Variants in ZNF566 observed in about 807,000 individuals in gnomAD.
The protein encoded by ZNF566 is zinc finger protein 566.
ZNF566 carries 27 observed loss-of-function variants against 32.8 expected under a neutral mutation model. The ratio of observed to expected loss-of-function variants is 0.82; its 90% CI spans 0.61 to 1.14. The LOEUF is 1.14. Ranked by LOEUF, ZNF566 falls within the 50% of genes most tolerant of loss-of-function variation. The pLI is 0.00. For missense variants in ZNF566, 402 were observed against 490.4 expected, an observed-to-expected ratio of 0.82 and a Z score of 1.70; for synonymous variants, 154 against 159.5, an observed-to-expected ratio of 0.97 and a Z score of 0.26.
In ZNF566 at chr19:36,449,390, G is replaced by C. The variant is rs752269940; in HGVS notation, c.844C>G (p.Pro282Ala). 1 of 1,614,008 alleles carries C rather than the reference G, an allele frequency of 6.2e-7. No homozygotes were observed. The highest frequency in any genetic ancestry group is 1.7e-5 in the Admixed American group (1 of 59,996). The part of the protein sequence containing the change: ...RHQRIHTGEK[P>A]YECKECGKAF... ...TTCCCGCATTCTTTGCATTCATAAG[G>C]CTTCTCACCTGTGTGAATTCTCTGA... is the stretch of plus-strand genomic sequence containing the variant. The change falls in exon 5 of 5, where the codon CCT becomes GCT. Residue 282 changes from proline to alanine, a missense_variant. Physicochemically the swap from Pro to Ala is conservative, Grantham distance 27. Around this residue, in one of 3 missense-constraint regions of ZNF566, gnomAD observed 135 missense variants for 210.0 expected, o/e 0.64. Transcript: ENST00000452939.
intron 2 of ZNF566, among the ~76,000 whole-genome samples, chr19:36,474,631 G>A (rs1397625524): frequency 6.6e-6 from 1 of 152,162 alleles, no homozygotes; most frequent in African/African-American, 2.4e-5. Flanking sequence ...AGAGTTGAGG[G>A]CAGTGGCCTC....
chr19:36,473,286 G>C (rs2033809379), intron 3 of ZNF566, 46 bp downstream of exon 3: 3 of 1,608,720 alleles, frequency 1.9e-6, no homozygotes, highest in South Asian at 2.2e-5. Flanking sequence ...GAGGAAGTAG[G>C]CCTTCCAAGG....
chr19:36,459,666 A>G (rs1484221943), intron 4 of ZNF566, among the ~76,000 whole-genome samples: 2 of 147,746 alleles, frequency 1.4e-5, no homozygotes, highest in Non-Finnish European at 3.0e-5. Context: ...ATGCGCCACC[A>G]CGCCCGGCTA....
chr19:36,461,646 G>A (rs2033465254), intron 4 of ZNF566, among the ~76,000 whole-genome samples: 1 of 151,946 alleles, frequency 6.6e-6, no homozygotes, highest in Non-Finnish European at 1.5e-5. Flanking sequence ...ACTCCAGCCT[G>A]GGCGACAGAG....
intron 4 of ZNF566, among the ~76,000 whole-genome samples, chr19:36,458,158 T>C (rs1280911292): frequency 6.6e-6 from 1 of 152,164 alleles, no homozygotes; most frequent in Non-Finnish European, 1.5e-5. Context: ...CTTATGTTCA[T>C]TGCAGCATCA....
chr19:36,474,371 G>A (rs1310694875), intron 2 of ZNF566, among the ~76,000 whole-genome samples: 1 of 152,188 alleles, frequency 6.6e-6, no homozygotes, highest in South Asian at 2.1e-4. Context: ...GGCAAATGAG[G>A]GGGGAAGCAA....
chr19:36,473,320 A>G lies in ZNF566; in HGVS notation c.136+12T>C, dbSNP rs1298827148. 6 of 1,613,888 alleles carry G rather than the reference A, an allele frequency of 3.7e-6. No homozygotes were observed. In the African/African-American group the frequency reaches 6.7e-5, roughly 18 times the overall value. ...GGGCAGAATCTAAATTACTATGGAC[A>G]GATGTCCTTACCCATTGAAACCAGG... On this transcript the variant is annotated intron_variant, in intron 3 of 4. Transcript: ENST00000452939.
chr19:36,462,986 A>AAAAAAAAAAAAC (rs1444861675), intron 4 of ZNF566, among the ~76,000 whole-genome samples: 1 of 136,136 alleles, frequency 7.3e-6, no homozygotes, highest in Non-Finnish European at 1.6e-5. Context: ...AAAAAAAAAA[A>AAAAAAAAAAAAC]AAAATCCCAT....
rs569821932 is a variant in ZNF566, at chr19:36,447,994, C to T, written c.*983G>A. 6.6e-6 allele frequency: 1 copy of T among 152,198 alleles called. No individual in the cohort carries two copies. Among genetic ancestry groups the T allele is most frequent in the South Asian group, 2.1e-4 (1 of 4,828 alleles). The allele number at this position is 152,198 out of a possible 1,614,324, so 9.4% of individuals were successfully genotyped here. A position where few individuals can be genotyped will look rare whatever the true frequency, so the allele number is the denominator to read the frequency against. ...ATCATGTCAGGCACAATTCTAAGCACTTTATCGATCTTAATTCATTTAATC... is the reference window on the plus strand; with the variant it reads ...ATCATGTCAGGCACAATTCTAAGCATTTTATCGATCTTAATTCATTTAATC... On this transcript the variant is annotated 3_prime_UTR_variant, in exon 5 of 5. Transcript: ENST00000452939.
At chr19:36,465,589 A>C (rs2033591811) in intron 4 of ZNF566, among the ~76,000 whole-genome samples, 2 of 152,014 alleles carry the variant, frequency 1.3e-5, no homozygotes, top group East Asian at 3.9e-4. Flanking sequence ...CTCCTGCCTC[A>C]GCCTCCCGAG....
At chr19:36,481,412 A>T (rs888739764) in intron 1 of ZNF566, among the ~76,000 whole-genome samples, 1 of 146,174 alleles carries the variant, frequency 6.8e-6, no homozygotes, top group African/African-American at 2.5e-5. Context: ...CGGAGGTTGC[A>T]GTGAGCCGAG....
At chr19:36,457,272 T>C (rs950907721) in intron 4 of ZNF566, among the ~76,000 whole-genome samples, 11 of 151,992 alleles carry the variant, frequency 7.2e-5, no homozygotes, top group Non-Finnish European at 2.9e-5. Context: ...GACTTAAACA[T>C]GAGACACAAA....
At chr19:36,453,429 C>T (rs7259664) in intron 4 of ZNF566, among the ~76,000 whole-genome samples, 40,981 of 148,192 alleles carry the variant, frequency 0.28, 5,696 homozygotes, top group Non-Finnish European at 0.31. Flanking sequence ...GCCGAGATCG[C>T]GCCACTGCAC....
intron 4 of ZNF566, among the ~76,000 whole-genome samples, chr19:36,467,790 C>CAAAAAAAAAAAAAAAAAAAAAAAAAAA (rs560803094): frequency 5.8e-5 from 5 of 85,918 alleles, no homozygotes; most frequent in Non-Finnish European, 1.1e-4. Context: ...GACTCCATCT[C>CAAAAAAAAAAAAAAAAAAAAAAAAAAA]AAAAAAAAAA....
chr19:36,448,000 C>T lies in ZNF566; in HGVS notation c.*977G>A, dbSNP rs2043515223. On this transcript the variant is annotated 3_prime_UTR_variant, in exon 5 of 5. Transcript: ENST00000452939. ...TCAGGCACAATTCTAAGCACTTTAT[C>T]GATCTTAATTCATTTAATCCTCACA... 1 of 152,032 alleles carries T rather than the reference C, an allele frequency of 6.6e-6. No individual in the cohort carries two copies. Among genetic ancestry groups the T allele is most frequent in the Non-Finnish European group, 1.5e-5 (1 of 67,980 alleles). 9.4% of individuals were successfully genotyped at this position (152,032 alleles called of 1,614,324 possible). A position where few individuals can be genotyped will look rare whatever the true frequency, so the allele number is the denominator to read the frequency against.
intron 1 of ZNF566, among the ~76,000 whole-genome samples, chr19:36,479,614 A>G (rs958496728): frequency 1.3e-5 from 2 of 152,202 alleles, no homozygotes; most frequent in African/African-American, 4.8e-5. Flanking sequence ...TATTGATGTC[A>G]ATTCTCCCAA....
Position 36,449,038 on chromosome 19 carries a change from T to TAA in ZNF566, c.1195_1196insTT (p.Glu399ValfsTer50). 1 of 1,608,064 alleles carries TAA rather than the reference T, an allele frequency of 6.2e-7. No homozygotes were observed. Among genetic ancestry groups the TAA allele is most frequent in the Non-Finnish European group, 8.5e-7 (1 of 1,178,412 alleles). On this transcript the variant is annotated frameshift_variant, in exon 5 of 5. Coordinates refer to ENST00000452939, the MANE Select transcript of ZNF566 (RefSeq NM_001145344.1). LOFTEE classifies it high-confidence loss of function. ...GTCATAATTAAAGTTCTTTCCACATTCCCTATATTCATAGGGTTTCTCACT... is the reference window on the plus strand; with the variant it reads ...GTCATAATTAAAGTTCTTTCCACATTAACCCTATATTCATAGGGTTTCTCACT...
Position 36,449,263 on chromosome 19 carries a change from G to C in ZNF566, c.971C>G (p.Ser324Ter). 1 of 1,614,086 alleles carries C rather than the reference G, an allele frequency of 6.2e-7. No individual in the cohort carries two copies. Among genetic ancestry groups the C allele is most frequent in the Non-Finnish European group, 8.5e-7 (1 of 1,180,016 alleles). The change falls in exon 5 of 5, where the codon TCA becomes TGA. Residue 324 changes from serine (S) to a stop codon, truncating the protein, a stop_gained. Transcript: ENST00000452939. LOFTEE classifies it high-confidence loss of function. ...KECGNAFSQS[S>*]QLIKHQRIHT... ...GATTCTTTGATGTTTAATAAGTTGT[G>C]AGCTCTGACTAAAGGCATTGCCACA...
chr19:36,455,011 A>G (rs543686442), intron 4 of ZNF566, among the ~76,000 whole-genome samples: 1 of 152,312 alleles, frequency 6.6e-6, no homozygotes, highest in East Asian at 1.9e-4. Context: ...ACAGCACATT[A>G]AAAGGATCAT....
Sources: allele counts gnomAD v4.1 joint callset (sites outside exome capture counted in the v4.1 genomes callset), GRCh38; gene constraint gnomAD v4.1.1; regional missense constraint gnomAD v4.1.1; transcripts MANE v1.5; gene names NCBI Gene and HGNC (gene_info 2026-07-23, HGNC 2026-07-21).